C10orf143: variants seen among roughly 807,000 people sequenced by gnomAD.
C10orf143 encodes uncharacterized protein C10orf143.
At chr10:130,055,020 T>C (rs1376617207) in intron 3 of C10orf143, among the ~76,000 whole-genome samples, 2 of 152,016 alleles carry the variant, frequency 1.3e-5, no homozygotes, top group African/African-American at 4.8e-5. Context: ...AGAATGAAAT[T>C]GAACGATTAT....
At chr10:130,099,032 G>A (rs1421612030) in intron 1 of C10orf143, among the ~76,000 whole-genome samples, 3 of 149,600 alleles carry the variant, frequency 2.0e-5, no homozygotes, top group Non-Finnish European at 4.4e-5. Flanking sequence ...AGGTTGCAGT[G>A]AGCCAAGATC....
intron 1 of C10orf143, among the ~76,000 whole-genome samples, chr10:130,082,511 C>G (rs550425657): frequency 5.7e-4 from 87 of 151,590 alleles, no homozygotes; most frequent in African/African-American, 2.1e-3. Flanking sequence ...TTCCCCTACA[C>G]GGTCCTCGTG....
intron 1 of C10orf143, among the ~76,000 whole-genome samples, chr10:130,101,877 A>AAAC (rs1861561964): frequency 2.0e-5 from 3 of 148,490 alleles, no homozygotes; most frequent in African/African-American, 7.6e-5. Flanking sequence ...AAAAAAAAAA[A>AAAC]AAAAAAAACT....
chr10:130,083,583 A>G (rs1306432602), intron 1 of C10orf143, among the ~76,000 whole-genome samples: 1 of 152,246 alleles, frequency 6.6e-6, no homozygotes, highest in Non-Finnish European at 1.5e-5. Flanking sequence ...GAAGATTTCC[A>G]TGAACTGGTC....
chr10:130,109,730 G>A (rs542139431), intron 1 of C10orf143, among the ~76,000 whole-genome samples: 20 of 152,192 alleles, frequency 1.3e-4, no homozygotes, highest in Non-Finnish European at 2.4e-4. Context: ...AGTGAGGAAA[G>A]AGATGGTGCA....
In C10orf143 at chr10:130,056,626, C is replaced by T. The variant is rs1213796068; in HGVS notation, c.298-20656G>A. Among the ~76,000 whole-genome samples, 1 of 152,116 alleles carries T rather than the reference C, an allele frequency of 6.6e-6. No individual in the cohort carries two copies. The highest frequency in any genetic ancestry group is 2.4e-5 in the African/African-American group (1 of 41,414). On this transcript the variant is annotated intron_variant and NMD_transcript_variant, in intron 3 of 5. Transcript: ENST00000643056. The surrounding 1 kb of genome is among the most constrained non-coding windows in gnomAD (Gnocchi z 4.6). ...TTTTATTTTGAAATGGAGTCTCGCT[C>T]TGTCGCCCAGGCTGGAGTGCAGTGG... is the stretch of plus-strand genomic sequence containing the variant.
chr10:130,104,390 T>C (rs1401828523), intron 1 of C10orf143, among the ~76,000 whole-genome samples: 1 of 152,214 alleles, frequency 6.6e-6, no homozygotes, highest in East Asian at 1.9e-4. Context: ...GCAAAGTCAC[T>C]ACAGAGATGG....
chr10:130,057,642 G>GA (rs965149431), intron 3 of C10orf143, among the ~76,000 whole-genome samples: 125 of 37,266 alleles, frequency 3.4e-3, no homozygotes, highest in Middle Eastern at 0.027. Flanking sequence ...TGTGGGGGAA[G>GA]GGGGCTTCAC....
intron 3 of C10orf143, chr10:130,066,799 A>T (rs543317127): frequency 1.4e-4 from 21 of 152,262 alleles, no homozygotes; most frequent in African/African-American, 4.8e-4. Context: ...ACCTCAAGTC[A>T]TCAGACTCTG....
intron 3 of C10orf143, among the ~76,000 whole-genome samples, chr10:130,043,585 C>A (rs1860631526): frequency 2.0e-5 from 3 of 152,210 alleles, no homozygotes; most frequent in African/African-American, 7.2e-5. Context: ...TCAACCATGG[C>A]ACTCACGCCC....
intron 3 of C10orf143, among the ~76,000 whole-genome samples, chr10:130,045,202 G>T (rs907139518): frequency 2.0e-5 from 3 of 152,226 alleles, no homozygotes; most frequent in African/African-American, 4.8e-5. Flanking sequence ...GCCACCTGGC[G>T]CCTCCAAATG....
chr10:130,041,027 G>T (rs1424992098), intron 3 of C10orf143, among the ~76,000 whole-genome samples: 1 of 152,168 alleles, frequency 6.6e-6, no homozygotes, highest in African/African-American at 2.4e-5. Context: ...ACCTCCAGGA[G>T]GCCCTGACAG....
At chr10:130,036,863 C>A (rs963330518) in intron 3 of C10orf143, among the ~76,000 whole-genome samples, 1 of 152,098 alleles carries the variant, frequency 6.6e-6, no homozygotes, top group African/African-American at 2.4e-5. Flanking sequence ...TGTCCTGGAG[C>A]GCCCAGCATC....
At chr10:130,045,710 C>T (rs1466064679) in intron 3 of C10orf143, among the ~76,000 whole-genome samples, 2 of 152,350 alleles carry the variant, frequency 1.3e-5, no homozygotes, top group East Asian at 1.9e-4. Context: ...CCTGAAGTCA[C>T]GACTCAGAAA....
intron 3 of C10orf143, 59 bp from the exon 4 acceptor site, chr10:130,064,442 C>A: frequency 2.5e-6 from 1 of 398,256 alleles, no homozygotes; most frequent in East Asian, 3.6e-5. Flanking sequence ...ATTAATACAC[C>A]TTGGCTATAT....
At chr10:130,101,874 A>AAAAAC (rs1861561302) in intron 1 of C10orf143, among the ~76,000 whole-genome samples, 3 of 141,288 alleles carry the variant, frequency 2.1e-5, no homozygotes, top group Non-Finnish European at 3.0e-5. Context: ...CCAAAAAAAA[A>AAAAAC]AAAAAAAAAA....
At chr10:130,060,364 CA>C (rs2134740664), downstream of C10orf143, among the ~76,000 whole-genome samples, 1 of 152,202 alleles carries the variant, frequency 6.6e-6, no homozygotes, top group Admixed American at 6.5e-5. Context: ...TCTATAATAG[CA>C]AGTAGATAGA....
At chr10:130,102,177 C>G (rs1171732) in intron 1 of C10orf143, among the ~76,000 whole-genome samples, 81,207 of 152,154 alleles carry the variant, frequency 0.53, 24,345 homozygotes, top group Admixed American at 0.68. Context: ...TTGAGCCTTC[C>G]TTTATGGCCC....
chr10:130,055,163 G>GA (rs139414658), intron 3 of C10orf143, among the ~76,000 whole-genome samples: 29 of 151,624 alleles, frequency 1.9e-4, no homozygotes, highest in African/African-American at 5.6e-4. Context: ...AAAACTCCCA[G>GA]AAAAAAAACA....
Sources: gnomAD v4.1 joint callset for allele counts (sites outside exome capture counted in the v4.1 genomes callset) on GRCh38, gnomAD v4.1.1 for gene constraint, Gnocchi (gnomAD v3.1) non-coding constraint, MANE v1.5 for transcripts, NCBI Gene and HGNC (gene_info 2026-07-23, HGNC 2026-07-21) for gene names.